The following GPHN variants were observed in gnomAD, a reference collection of about 807,000 sequenced individuals.
The protein encoded by GPHN is gephyrin.
A neutral mutation model predicts 95.5 loss-of-function variants in GPHN; 17 were observed. The ratio of observed to expected loss-of-function variants is 0.18; its 90% CI spans 0.12 to 0.27. GPHN has a LOEUF of 0.27. GPHN is among the 10% of genes least tolerant of loss of function. The probability of loss-of-function intolerance (pLI) is 1.00; values close to 1 mark genes in which losing one functional copy is unlikely to be tolerated. For missense variants in GPHN, 660 were observed against 978.1 expected (o/e 0.67, Z 4.34); for synonymous variants, 320 against 322.5 (o/e 0.99, Z 0.08).
intron 1 of GPHN, among the ~76,000 whole-genome samples, chr14:66,544,620 TG>T (rs2059467510): frequency 6.6e-6 from 1 of 151,978 alleles, no homozygotes; most frequent in East Asian, 1.9e-4. Flanking sequence ...TGATCATTCT[TG>T]GGTGTTTCTC....
chr14:67,706,380 G>A, the GPHN span: 1 of 152,244 alleles, frequency 6.6e-6, no homozygotes, highest in African/African-American at 2.4e-5. Flanking sequence ...TTGAGGACGT[G>A]TCCCCACGAC....
chr14:66,585,774 T>C (rs1566648902), intron 1 of GPHN, among the ~76,000 whole-genome samples: 1 of 152,202 alleles, frequency 6.6e-6, no homozygotes, highest in Non-Finnish European at 1.5e-5. Flanking sequence ...TAATTTCTGT[T>C]CTTTTACATT....
intron 10 of GPHN, 149 bp from the exon 11 acceptor site, chr14:67,058,500 C>A: frequency 1.4e-6 from 1 of 714,740 alleles, no homozygotes; most frequent in Non-Finnish European, 2.5e-6. Flanking sequence ...CCAGAGCAGG[C>A]TGTATTTTGG....
intron 5 of GPHN, among the ~76,000 whole-genome samples, chr14:66,891,222 C>T (rs975741147): frequency 2.0e-5 from 3 of 151,844 alleles, no homozygotes; most frequent in African/African-American, 7.3e-5. Context: ...TAAATGAATT[C>T]AGCAAAGTTG....
At chr14:67,008,903 G>A (rs183354375) in intron 9 of GPHN, among the ~76,000 whole-genome samples, 31 of 152,254 alleles carry the variant, frequency 2.0e-4, no homozygotes, top group Admixed American at 1.3e-3. Flanking sequence ...TTAAAAGACA[G>A]TTCCAGATCA....
chr14:67,641,975 T>C, the GPHN span, among the ~76,000 whole-genome samples: 1 of 152,230 alleles, frequency 6.6e-6, no homozygotes, highest in Non-Finnish European at 1.5e-5. Flanking sequence ...GTTAAGTCAA[T>C]CGATATCTCT....
the GPHN span, among the ~76,000 whole-genome samples, chr14:67,540,367 T>C: frequency 6.6e-6 from 1 of 152,160 alleles, no homozygotes; most frequent in Non-Finnish European, 1.5e-5. Context: ...GGCTCACACC[T>C]GTAATCCCAG....
chr14:67,468,452 A>G, the GPHN span, among the ~76,000 whole-genome samples: 2 of 152,240 alleles, frequency 1.3e-5, no homozygotes, highest in African/African-American at 4.8e-5. Flanking sequence ...GTCAGTAAAC[A>G]TTAGGCTTTC....
chr14:67,592,613 G>A, the GPHN span: 37 of 1,441,938 alleles, frequency 2.6e-5, no homozygotes, highest in Non-Finnish European at 3.5e-5. Flanking sequence ...ATTGGAGAAT[G>A]GTAAAAGTAT....
chr14:66,535,812 C>T (rs572259285), intron 1 of GPHN, among the ~76,000 whole-genome samples: 45 of 152,018 alleles, frequency 3.0e-4, no homozygotes, highest in Admixed American at 1.1e-3. Context: ...AGCAGCAACC[C>T]GCTAAATTTG....
Position 66,945,080 on chromosome 14 carries a change from C to G in GPHN, c.829-20111C>G, listed in dbSNP as rs539514113. ...CTTTTCTCAAGCCCCATGTTGGGCGCCAAAAATGTTGTAGAAAAAAAACAC... is the reference window on the plus strand; with the variant it reads ...CTTTTCTCAAGCCCCATGTTGGGCGGCAAAAATGTTGTAGAAAAAAAACAC... On this transcript the variant is annotated intron_variant, in intron 8 of 22. Coordinates refer to ENST00000478722, the MANE Select transcript of GPHN (RefSeq NM_020806.5). Among the ~76,000 whole-genome samples the G allele has an allele frequency of 5.3e-5, 8 of 152,184 alleles. No homozygotes were observed. The South Asian group carries it at 1.7e-3, about 32-fold the overall frequency.
chr14:66,942,218 G>C (rs1017338503), intron 8 of GPHN, among the ~76,000 whole-genome samples: 1 of 152,152 alleles, frequency 6.6e-6, no homozygotes, highest in Non-Finnish European at 1.5e-5. Flanking sequence ...CAGCAGGTTG[G>C]CCAGGCTGGT....
the GPHN span, among the ~76,000 whole-genome samples, chr14:67,672,480 C>T: frequency 1.8e-4 from 22 of 120,134 alleles, no homozygotes; most frequent in Admixed American, 4.1e-4. Context: ...GAGTCTTGAT[C>T]TGTTGCCCAG....
intron 11 of GPHN, among the ~76,000 whole-genome samples, chr14:67,065,409 G>A (rs2076002918): frequency 6.6e-6 from 1 of 152,192 alleles, no homozygotes; most frequent in African/African-American, 2.4e-5. Flanking sequence ...TGTATATTCT[G>A]TTGATTTGGG....
At chr14:67,059,429 G>A (rs570338947) in intron 11 of GPHN, among the ~76,000 whole-genome samples, 1 of 152,244 alleles carries the variant, frequency 6.6e-6, no homozygotes, top group East Asian at 1.9e-4. Context: ...ACCAAAAAGA[G>A]AAGTTGTATT....
intron 1 of GPHN, among the ~76,000 whole-genome samples, chr14:66,643,965 A>T (rs570094380): frequency 1.3e-5 from 2 of 151,986 alleles, no homozygotes; most frequent in Non-Finnish European, 2.9e-5. Context: ...GGAGAAGTAT[A>T]TGCATAATCA....
At chr14:67,302,050 A>G in the GPHN span, 6 of 1,609,708 alleles carry the variant, frequency 3.7e-6, no homozygotes, top group Admixed American at 1.7e-5. Context: ...AGTTTATGAA[A>G]GTATTGGCCA....
At chr14:67,086,649 CAAAAAAAAAA>C (rs59947004) in intron 11 of GPHN, among the ~76,000 whole-genome samples, 2 of 84,588 alleles carry the variant, frequency 2.4e-5, no homozygotes, top group African/African-American at 9.9e-5. Flanking sequence ...GACTCTGTCT[CAAAAAAAAAA>C]AAAAAAAAGT....
intron 2 of GPHN, among the ~76,000 whole-genome samples, chr14:66,724,038 G>T (rs925927329): frequency 4.0e-5 from 6 of 148,634 alleles, no homozygotes; most frequent in Admixed American, 2.7e-4. Context: ...TTCAAATAAA[G>T]ATCTTACAGG....
Sources: gnomAD v4.1 joint callset for allele counts (sites outside exome capture counted in the v4.1 genomes callset) on GRCh38, gnomAD v4.1.1 for gene constraint, MANE v1.5 for transcripts, NCBI Gene and HGNC (gene_info 2026-07-23, HGNC 2026-07-21) for gene names.